Variants in NECAB2 observed in about 807,000 individuals in gnomAD.
The protein encoded by NECAB2 is N-terminal EF-hand calcium binding protein 2.
Under a neutral mutation model 51.9 loss-of-function variants are expected in NECAB2, and 68 were observed. The ratio of observed to expected loss-of-function variants is 1.31; its 90% CI spans 1.08 to 1.60. NECAB2 has a LOEUF of 1.60. Ranked by LOEUF, NECAB2 falls within the 40% of genes most tolerant of loss-of-function variation. The probability of loss-of-function intolerance (pLI) is 0.00; values close to 1 mark genes in which losing one functional copy is unlikely to be tolerated. For synonymous variants in NECAB2, 329 were observed against 203.5 expected, an observed-to-expected ratio of 1.62 and a Z score of -5.25; for missense variants, 854 against 490.3, an observed-to-expected ratio of 1.74 and a Z score of -7.00.
At chr16:83,969,005 A>G (rs1470028052) in intron 1 of NECAB2, among the ~76,000 whole-genome samples, 156 bp downstream of exon 1, 3 of 138,242 alleles carry the variant, frequency 2.2e-5, no homozygotes, top group Non-Finnish European at 4.7e-5. Flanking sequence ...GGGAGCCCCC[A>G]GCCCCGCCAC....
intron 2 of NECAB2, among the ~76,000 whole-genome samples, chr16:83,975,727 C>T (rs2084401073): frequency 6.6e-6 from 1 of 152,156 alleles, no homozygotes; most frequent in Non-Finnish European, 1.5e-5. Flanking sequence ...CATTTCCCTT[C>T]AGGGACATGG....
Position 84,001,883 on chromosome 16 carries a change from C to A in NECAB2, c.1099C>A (p.Gln367Lys). 2 of 1,614,086 alleles carry A rather than the reference C, an allele frequency of 1.2e-6. No individual in the cohort carries two copies. Among genetic ancestry groups the A allele is most frequent in the Non-Finnish European group, 1.7e-6 (2 of 1,179,942 alleles). The change falls in exon 12 of 13, where the codon CAG (glutamine) becomes AAG (lysine). Residue 367 changes from glutamine (Q) to lysine (K), a missense_variant. Physicochemically the swap from Gln to Lys is moderately conservative, Grantham distance 53 (BLOSUM62 1). Transcript: ENST00000305202. ...FRHVKVDTLSQPEALSRILVP... is the reference protein window; with the variant it reads ...FRHVKVDTLSKPEALSRILVP... ...GCACGTCAAGGTGGACACACTGAGC[C>A]AGCCTGAGGCCCTCTCCAGGATCTT...
At chr16:83,990,260 C>T (rs964888598) in intron 5 of NECAB2, among the ~76,000 whole-genome samples, 1 of 152,168 alleles carries the variant, frequency 6.6e-6, no homozygotes, top group Non-Finnish European at 1.5e-5. Flanking sequence ...TCTGGGAGGT[C>T]ACAGAGCTAG....
chr16:83,997,528 C>G (rs556994427), intron 9 of NECAB2, among the ~76,000 whole-genome samples: 4 of 133,288 alleles, frequency 3.0e-5, no homozygotes, highest in African/African-American at 8.6e-5. Context: ...TGCTGTATCT[C>G]CCAGGCTGGA....
At position 83,998,260 on chromosome 16, in the gene NECAB2, T is replaced by C. The variant is rs765503223; in HGVS notation, c.905T>C (p.Phe302Ser). The change falls in exon 10 of 13, where the codon TTT becomes TCT. Residue 302 changes from phenylalanine (F) to serine (S), a missense_variant. Physicochemically the swap from Phe to Ser is radical, Grantham distance 155 (BLOSUM62 -2). Coordinates refer to ENST00000305202, the MANE Select transcript of NECAB2 (RefSeq NM_019065.3). ...GTGTGCCCCGAGCAACTGAGCGAGT[T>C]TCTGGACTCTCTGCGCCAGTATCTG... ...MAVCPEQLSE[F>S]LDSLRQYLRG... is the part of the protein sequence containing the mutation. The C allele has an allele frequency of 1.2e-6, 2 of 1,613,252 alleles. No individual in the cohort carries two copies. Among genetic ancestry groups the C allele is most frequent in the Non-Finnish European group, 1.7e-6 (2 of 1,180,014 alleles).
intron 2 of NECAB2, among the ~76,000 whole-genome samples, chr16:83,973,362 G>T (rs1024868370): frequency 1.3e-5 from 2 of 152,154 alleles, no homozygotes; most frequent in East Asian, 3.9e-4. Flanking sequence ...TGGGCATGGT[G>T]GGAGGGCAGG....
rs151320236 is a variant in NECAB2, at chr16:83,989,192, C to T, written c.460-1302C>T. Among the ~76,000 whole-genome samples, 614 of 152,308 alleles carry T rather than the reference C, an allele frequency of 4.0e-3. 3 individuals are homozygous for T. The highest frequency in any genetic ancestry group is 0.014 in the African/African-American group (567 of 41,562). On this transcript the variant is annotated intron_variant, in intron 5 of 12. Transcript: ENST00000305202. ...ATTCGCGTGTCTGGAGTCTGTTGAT[C>T]ACTGGATCATGTGTGGTTTTGGTCA...
rs1186568647 is a variant in NECAB2 at position 83,968,405 on chromosome 16, C to T, written c.-244C>T. On this transcript the variant is annotated 5_prime_UTR_variant, in exon 1 of 13. Coordinates refer to ENST00000305202, the MANE Select transcript of NECAB2 (RefSeq NM_019065.3). ...GCTGCGCCCGCGCCCCTCGCCCCGG[C>T]GGGCAGTCCTCAGGCCCCGCGCCCG... 6.7e-6 allele frequency among the ~76,000 whole-genome samples: 1 copy of T among 149,312 alleles called. No individual in the cohort carries two copies. The highest frequency in any genetic ancestry group is 1.5e-5 in the Non-Finnish European group (1 of 67,196).
At chr16:83,998,172 G>A (rs376276003) in intron 9 of NECAB2, 33 bp from the exon 10 acceptor site, 3 of 1,595,012 alleles carry the variant, frequency 1.9e-6, no homozygotes, top group Non-Finnish European at 2.6e-6. Context: ...GCCTGACGTG[G>A]AGCCCCACAC....
intron 5 of NECAB2, among the ~76,000 whole-genome samples, 176 bp from the exon 6 acceptor site, chr16:83,990,318 C>T (rs765523648): frequency 1.3e-5 from 2 of 152,216 alleles, no homozygotes; most frequent in Non-Finnish European, 2.9e-5. Flanking sequence ...CCTCTAGCCT[C>T]TGCGTTGGAA....
At chr16:83,989,975 C>T (rs1383558514) in intron 5 of NECAB2, among the ~76,000 whole-genome samples, 2 of 152,148 alleles carry the variant, frequency 1.3e-5, no homozygotes, top group East Asian at 1.9e-4. Flanking sequence ...TTAGTAGCAG[C>T]CTGGAGATCC....
At position 83,978,494 on chromosome 16, in the gene NECAB2, G is replaced by T. The variant is rs753504247; in HGVS notation, c.277G>T (p.Val93Phe). Residue 93 changes from valine (V) to phenylalanine (F), a missense_variant, in exon 3 of 13, where the codon GTC (valine) becomes TTC (phenylalanine). By Grantham distance (50) the Val-to-Phe change is conservative. Coordinates refer to ENST00000305202, the MANE Select transcript of NECAB2 (RefSeq NM_019065.3). ...EEFQLFFADG[V>F]LNEKELEDLF... ...ATTCCAGCTCTTCTTTGCAGATGGCGTCCTTAATGAGAAAGAACTGGAGGA... is the reference window on the plus strand; with the variant it reads ...ATTCCAGCTCTTCTTTGCAGATGGCTTCCTTAATGAGAAAGAACTGGAGGA... 9 of 1,613,852 alleles carry T rather than the reference G, an allele frequency of 5.6e-6. No homozygotes were observed. The highest frequency in any genetic ancestry group is 5.3e-5 in the African/African-American group (4 of 74,856).
chr16:83,991,720 C>T (rs2084628195), intron 6 of NECAB2, among the ~76,000 whole-genome samples: 1 of 151,958 alleles, frequency 6.6e-6, no homozygotes. Context: ...ACCATTGTGG[C>T]TCACTGCAAT....
intron 5 of NECAB2, 29 bp downstream of exon 5, chr16:83,981,156 C>T: frequency 6.3e-7 from 1 of 1,576,338 alleles, no homozygotes; most frequent in Non-Finnish European, 8.7e-7. Flanking sequence ...CCCCCGGGGT[C>T]CAGGGCTCCA....
chr16:84,001,483 G>A (rs2084834097), intron 11 of NECAB2, among the ~76,000 whole-genome samples: 1 of 152,126 alleles, frequency 6.6e-6, no homozygotes, highest in South Asian at 2.1e-4. Context: ...CATAAAACGA[G>A]GGACTAAAAG....
chr16:83,980,911 G>C, intron 4 of NECAB2, 47 bp downstream of exon 4: 2 of 1,613,302 alleles, frequency 1.2e-6, no homozygotes, highest in Non-Finnish European at 1.7e-6. Flanking sequence ...GCTGGGATGG[G>C]GCTGGATGAG....
intron 2 of NECAB2, among the ~76,000 whole-genome samples, chr16:83,972,593 C>T (rs1407615553): frequency 1.3e-5 from 2 of 152,238 alleles, no homozygotes; most frequent in Non-Finnish European, 2.9e-5. Context: ...TTCATCGTAG[C>T]AACCTGAGCA....
intron 2 of NECAB2, among the ~76,000 whole-genome samples, chr16:83,975,421 G>A (rs2084398161): frequency 6.6e-6 from 1 of 152,080 alleles, no homozygotes; most frequent in Non-Finnish European, 1.5e-5. Context: ...ACACAGGACT[G>A]CTCAACACTG....
upstream of NECAB2, chr16:83,965,947 G>T: frequency 4.3e-6 from 7 of 1,611,066 alleles, no homozygotes; most frequent in Non-Finnish European, 5.9e-6. Context: ...GGTTTGTGCA[G>T]GGGGGCGCCT....
Sources: allele counts gnomAD v4.1 joint callset (sites outside exome capture counted in the v4.1 genomes callset), GRCh38; gene constraint gnomAD v4.1.1; transcripts MANE v1.5; gene names NCBI Gene and HGNC (gene_info 2026-07-23, HGNC 2026-07-21).